Variants in C8orf34 observed in about 807,000 individuals in gnomAD.
The protein encoded by C8orf34 is uncharacterized protein C8orf34.
A neutral mutation model predicts 68.3 loss-of-function variants in C8orf34; 65 were observed. The observed-to-expected ratio is 0.95, with a 90% CI of 0.78 to 1.17. C8orf34 has a LOEUF of 1.17. C8orf34 is among the 50% of genes most tolerant of loss of function. The probability of loss-of-function intolerance (pLI) is 0.00; values close to 1 mark genes in which losing one functional copy is unlikely to be tolerated. For missense variants in C8orf34, 664 were observed against 655.4 expected (o/e 1.01, Z -0.14); for synonymous variants, 244 against 241.2 (o/e 1.01, Z -0.11).
At chr8:68,776,104 A>G (rs1823507635) in intron 10 of C8orf34, among the ~76,000 whole-genome samples, 1 of 152,242 alleles carries the variant, frequency 6.6e-6, no homozygotes, top group Non-Finnish European at 1.5e-5. Flanking sequence ...ACCATGGCAC[A>G]TGTTTACCTA....
chr8:68,499,830 T>G (rs1813689356), intron 5 of C8orf34, among the ~76,000 whole-genome samples: 1 of 152,144 alleles, frequency 6.6e-6, no homozygotes, highest in African/African-American at 2.4e-5. Context: ...GTTTGTCTCC[T>G]CCAAATCTCA....
intron 10 of C8orf34, among the ~76,000 whole-genome samples, chr8:68,747,127 CA>C (rs1481486666): frequency 2.6e-5 from 4 of 152,046 alleles, no homozygotes; most frequent in Non-Finnish European, 4.4e-5. Context: ...GAACCAAAGA[CA>C]AAAACCACAT....
At chr8:68,483,480 G>T (rs1299147262) in intron 4 of C8orf34, among the ~76,000 whole-genome samples, 1 of 152,156 alleles carries the variant, frequency 6.6e-6, no homozygotes, top group Non-Finnish European at 1.5e-5. Context: ...TAGGGAAAGG[G>T]CATACGTGAT....
At chr8:68,331,567 C>T (rs1415209239) in intron 1 of C8orf34, 6 of 574,952 alleles carry the variant, frequency 1.0e-5, no homozygotes, top group African/African-American at 7.4e-5. Flanking sequence ...CAGGTGAGCT[C>T]GGGAGGGCCC....
intron 7 of C8orf34, among the ~76,000 whole-genome samples, chr8:68,578,617 T>G (rs1479495901): frequency 6.7e-6 from 1 of 149,506 alleles, no homozygotes; most frequent in Non-Finnish European, 1.5e-5. Context: ...GTGAAAGATA[T>G]CTATAGTTCA....
chr8:68,647,447 A>G lies in C8orf34; in HGVS notation c.1241+6936A>G, dbSNP rs143037001. Reference sequence around the variant, plus strand: ...TTCCAGCAATCCCACTTCTGGGTATATATTTAAAGGAATTGAAATCATTAT... The same window carrying G: ...TTCCAGCAATCCCACTTCTGGGTATGTATTTAAAGGAATTGAAATCATTAT... On this transcript the variant is annotated intron_variant, in intron 8 of 13. Transcript: ENST00000518698. Among the ~76,000 whole-genome samples, 661 of 152,350 alleles carry G rather than the reference A, an allele frequency of 4.3e-3. 4 individuals carry two copies. Among genetic ancestry groups the G allele is most frequent in the African/African-American group, 0.012 (517 of 41,584 alleles).
intron 8 of C8orf34, among the ~76,000 whole-genome samples, chr8:68,653,754 G>A (rs904000257): frequency 6.6e-6 from 1 of 152,044 alleles, no homozygotes; most frequent in African/African-American, 2.4e-5. Flanking sequence ...GCCCCACCTC[G>A]AAATAGCATC....
chr8:68,678,871 A>C (rs1359081870), intron 8 of C8orf34, among the ~76,000 whole-genome samples: 1 of 151,990 alleles, frequency 6.6e-6, no homozygotes, highest in East Asian at 1.9e-4. Flanking sequence ...AAAAAAAAAA[A>C]AAAAACTGTT....
At chr8:68,585,621 CT>C (rs1817186305) in intron 7 of C8orf34, among the ~76,000 whole-genome samples, 1 of 152,074 alleles carries the variant, frequency 6.6e-6, no homozygotes, top group Non-Finnish European at 1.5e-5. Flanking sequence ...ATCTGGGCAG[CT>C]TTGGTTTAGG....
intron 7 of C8orf34, among the ~76,000 whole-genome samples, chr8:68,556,721 A>G (rs1463680774): frequency 3.3e-5 from 5 of 152,262 alleles, no homozygotes; most frequent in East Asian, 1.9e-4. Context: ...TGGCATTTTA[A>G]GTTTGTTAGA....
chr8:68,435,502 G>A lies in C8orf34; in HGVS notation c.328-3997G>A, dbSNP rs368893427. 9.9e-5 allele frequency among the ~76,000 whole-genome samples: 15 copies of A among 152,124 alleles called. No homozygotes were observed. The East Asian group carries it at 1.7e-3, about 18-fold the overall frequency. On this transcript the variant is annotated intron_variant, in intron 1 of 13. Coordinates refer to ENST00000518698, the MANE Select transcript of C8orf34 (RefSeq NM_052958.4). ...TCTCAGATGCTTGCCTGGAAGCTGC[G>A]GCAATTCTTCGGTGTCTTTGTGGAA... is the stretch of plus-strand genomic sequence containing the variant.
intron 7 of C8orf34, among the ~76,000 whole-genome samples, chr8:68,551,387 T>C (rs993792008): frequency 3.9e-5 from 6 of 152,056 alleles, no homozygotes; most frequent in Non-Finnish European, 8.8e-5. Flanking sequence ...TTGCTCTCTA[T>C]GCTTTCATTG....
chr8:68,748,595 A>G (rs183737236), intron 10 of C8orf34, among the ~76,000 whole-genome samples: 1,927 of 152,314 alleles, frequency 0.013, 38 homozygotes, highest in African/African-American at 0.044. Flanking sequence ...GAGGCACTTC[A>G]CAAAAGAAGA....
At chr8:68,487,116 A>T (rs1335734027) in intron 4 of C8orf34, among the ~76,000 whole-genome samples, 1 of 152,230 alleles carries the variant, frequency 6.6e-6, no homozygotes, top group Non-Finnish European at 1.5e-5. Flanking sequence ...TAGCTCAGGA[A>T]GAAAGTCTGT....
intron 1 of C8orf34, among the ~76,000 whole-genome samples, chr8:68,422,412 G>T (rs1030064821): frequency 6.6e-6 from 1 of 152,200 alleles, no homozygotes; most frequent in Admixed American, 6.5e-5. Flanking sequence ...CAATAGGGAA[G>T]TCATTAAAAC....
chr8:68,665,938 C>T (rs541383055), intron 8 of C8orf34, among the ~76,000 whole-genome samples: 103 of 152,224 alleles, frequency 6.8e-4, no homozygotes, highest in Middle Eastern at 3.4e-3. Flanking sequence ...GAGGACAGTG[C>T]CCAAAACACA....
At chr8:68,393,936 G>T (rs1808578462) in intron 1 of C8orf34, among the ~76,000 whole-genome samples, 1 of 152,086 alleles carries the variant, frequency 6.6e-6, no homozygotes, top group African/African-American at 2.4e-5. Context: ...AGACCAGGGA[G>T]TGAAAACTGA....
intron 7 of C8orf34, among the ~76,000 whole-genome samples, chr8:68,536,346 G>A (rs1267958218): frequency 3.5e-5 from 4 of 113,552 alleles, no homozygotes; most frequent in Non-Finnish European, 6.6e-5. Context: ...GTGACAGAGG[G>A]AGACCCTATC....
At chr8:68,740,245 T>C (rs1203314176) in intron 10 of C8orf34, among the ~76,000 whole-genome samples, 8 of 152,010 alleles carry the variant, frequency 5.3e-5, no homozygotes, top group Admixed American at 2.0e-4. Context: ...AAAGCAAAAA[T>C]TGATAAATGG....
Sources: allele counts gnomAD v4.1 joint callset (sites outside exome capture counted in the v4.1 genomes callset), GRCh38; gene constraint gnomAD v4.1.1; transcripts MANE v1.5; gene names NCBI Gene and HGNC (gene_info 2026-07-23, HGNC 2026-07-21).